Variants in DMXL2 observed in about 807,000 individuals in gnomAD.
DMXL2 encodes the protein dmX-like protein 2.
A neutral mutation model predicts 331.1 loss-of-function variants in DMXL2; 103 were observed. That is an observed-to-expected ratio of 0.31 (90% CI 0.27 to 0.37). The LOEUF is 0.37. Ranked by LOEUF, DMXL2 falls within the 10% of genes least tolerant of loss-of-function variation. The pLI, the probability that DMXL2 is intolerant of heterozygous loss-of-function variation, is 1.00. For missense variants in DMXL2, 3,171 were observed against 3,642.9 expected, an observed-to-expected ratio of 0.87 and a Z score of 3.33; for synonymous variants, 1,281 against 1,252.1, an observed-to-expected ratio of 1.02 and a Z score of -0.49.
intron 10 of DMXL2, 94 bp from the exon 11 acceptor site, chr15:51,537,853 ATC>A (rs1189202687): frequency 6.0e-6 from 8 of 1,339,444 alleles, no homozygotes; most frequent in South Asian, 4.9e-5. Context: ...TAAAAACTAA[ATC>A]TCTTTTCCAA....
intron 33 of DMXL2, among the ~76,000 whole-genome samples, chr15:51,460,893 T>C (rs920089329): frequency 6.6e-6 from 1 of 152,186 alleles, no homozygotes; most frequent in African/African-American, 2.4e-5. Context: ...TATGTAACTA[T>C]TTAAATTTAG....
At chr15:51,574,995 C>A (rs1728655278) in intron 2 of DMXL2, among the ~76,000 whole-genome samples, 1 of 152,096 alleles carries the variant, frequency 6.6e-6, no homozygotes, top group East Asian at 1.9e-4. Context: ...TGACACTCCC[C>A]ATGTTTTCTA....
chr15:51,593,265 C>T (rs8032454), intron 1 of DMXL2, among the ~76,000 whole-genome samples: 7,815 of 152,142 alleles, frequency 0.051, 568 homozygotes, highest in African/African-American at 0.17. Context: ...GGTTGCAATC[C>T]TAGTCTCTGA....
intron 1 of DMXL2, among the ~76,000 whole-genome samples, chr15:51,594,817 A>G (rs895580492): frequency 1.4e-4 from 21 of 152,232 alleles, no homozygotes; most frequent in Non-Finnish European, 2.5e-4. Context: ...CAAAAACCGT[A>G]TGATTATCTC....
chr15:51,591,602 T>C (rs2052342693), intron 1 of DMXL2, among the ~76,000 whole-genome samples: 1 of 152,200 alleles, frequency 6.6e-6, no homozygotes, highest in South Asian at 2.1e-4. Flanking sequence ...AGCACTCAGC[T>C]GGACATCTGA....
chr15:51,534,403 T>C (rs1468010539), intron 13 of DMXL2, among the ~76,000 whole-genome samples: 1 of 152,174 alleles, frequency 6.6e-6, no homozygotes, highest in Non-Finnish European at 1.5e-5. Flanking sequence ...GCAAGAAATA[T>C]TAGATTTATT....
intron 37 of DMXL2, among the ~76,000 whole-genome samples, chr15:51,457,125 T>C (rs1009634184): frequency 5.3e-5 from 8 of 152,166 alleles, no homozygotes; most frequent in African/African-American, 1.4e-4. Flanking sequence ...TGAGCCGAAA[T>C]TGCACCACTG....
chr15:51,591,375 C>T (rs548514873), intron 1 of DMXL2, among the ~76,000 whole-genome samples: 11 of 152,186 alleles, frequency 7.2e-5, no homozygotes, highest in South Asian at 2.1e-4. Flanking sequence ...GGTGGCAGTG[C>T]GGCTGGGGGA....
At chr15:51,552,078 G>A (rs1043050102) in intron 6 of DMXL2, among the ~76,000 whole-genome samples, 3 of 152,192 alleles carry the variant, frequency 2.0e-5, no homozygotes, top group African/African-American at 4.8e-5. Flanking sequence ...ATAAAAAGAC[G>A]TGGAAGCAGG....
chr15:51,478,320 A>C lies in DMXL2; in HGVS notation c.6784T>G (p.Ser2262Ala). ...KVHTLHSLAA[S>A]LSASIYQALC... is the part of the protein sequence containing the mutation. ...GCTTGGTAAATTGATGCAGAAAGTG[A>C]TGCTGCTAGTGAATGAAGTGTGTGC... The change falls in exon 26 of 44, where the codon TCA becomes GCA. Residue 2262 changes from serine to alanine, a missense_variant. Physicochemically the swap from Ser to Ala is moderately conservative, Grantham distance 99. Coordinates refer to ENST00000560891, the MANE Select transcript of DMXL2 (RefSeq NM_001378457.1). 1 of 1,613,346 alleles carries C rather than the reference A, an allele frequency of 6.2e-7. No homozygotes were observed. The highest frequency in any genetic ancestry group is 8.5e-7 in the Non-Finnish European group (1 of 1,179,490).
At chr15:51,495,870 T>C (rs1343146147) in intron 18 of DMXL2, among the ~76,000 whole-genome samples, 1 of 152,098 alleles carries the variant, frequency 6.6e-6, no homozygotes, top group African/African-American at 2.4e-5. Flanking sequence ...ACTTTTAAAT[T>C]GCCAAAGATC....
chr15:51,522,134 T>C (rs1296138585), intron 13 of DMXL2, among the ~76,000 whole-genome samples: 4 of 152,230 alleles, frequency 2.6e-5, no homozygotes, highest in Non-Finnish European at 5.9e-5. Context: ...AACTGTATCT[T>C]TGATACTTTA....
In DMXL2 at chr15:51,476,598, G is replaced by A. The variant is rs1303032996; in HGVS notation, c.6955C>T (p.Gln2319Ter). The change falls in exon 27 of 44, where the codon CAA (glutamine) becomes TAA (stop). Residue 2319 changes from glutamine (Q) to a stop codon, truncating the protein, a stop_gained. Transcript: ENST00000560891. LOFTEE classifies it high-confidence loss of function. ...TCATTTAAATTCTCACCAGGCCATTGAGCAGGAGATGAATTTGGTGTTGCG... is the reference window on the plus strand; with the variant it reads ...TCATTTAAATTCTCACCAGGCCATTAAGCAGGAGATGAATTTGGTGTTGCG... Reference protein sequence around the residue: ...EHATPNSSPAQWPGVSSLINL... With the variant: ...EHATPNSSPA 2 of 1,606,152 alleles carry A rather than the reference G, an allele frequency of 1.2e-6. No homozygotes were observed. The highest frequency in any genetic ancestry group is 1.7e-5 in the Admixed American group (1 of 58,448).
At chr15:51,506,354 T>G (rs1023092630) in intron 16 of DMXL2, among the ~76,000 whole-genome samples, 1 of 151,752 alleles carries the variant, frequency 6.6e-6, no homozygotes, top group Non-Finnish European at 1.5e-5. Flanking sequence ...TGAGCCACCA[T>G]GCCCATGCCC....
intron 1 of DMXL2, among the ~76,000 whole-genome samples, chr15:51,598,579 T>C (rs906792852): frequency 5.9e-5 from 9 of 152,258 alleles, no homozygotes; most frequent in Non-Finnish European, 1.5e-5. Context: ...TTCTTCACTC[T>C]TTCTTTGTCT....
At chr15:51,612,858 A>G (rs1341590310) in intron 1 of DMXL2, among the ~76,000 whole-genome samples, 6 of 152,162 alleles carry the variant, frequency 3.9e-5, no homozygotes, top group Non-Finnish European at 8.8e-5. Context: ...GGCTTATTTC[A>G]TCCCCCATCT....
intron 1 of DMXL2, among the ~76,000 whole-genome samples, chr15:51,593,968 G>T (rs2052594301): frequency 1.3e-5 from 2 of 152,286 alleles, no homozygotes; most frequent in Middle Eastern, 3.4e-3. Flanking sequence ...AAGCAGGAAA[G>T]ATCTAAAACT....
intron 6 of DMXL2, among the ~76,000 whole-genome samples, chr15:51,552,168 G>C (rs1007978845): frequency 6.6e-6 from 1 of 152,190 alleles, no homozygotes. Flanking sequence ...GGAGAGGCAC[G>C]GAAGGGCCAG....
intron 13 of DMXL2, among the ~76,000 whole-genome samples, chr15:51,519,633 C>CCTGT (rs1567060228): frequency 8.5e-6 from 1 of 118,318 alleles, no homozygotes; most frequent in African/African-American, 3.3e-5. Flanking sequence ...GACAAAGTCT[C>CCTGT]TTGTTTTTTT....
Sources: gnomAD v4.1 joint callset for allele counts (sites outside exome capture counted in the v4.1 genomes callset) on GRCh38, gnomAD v4.1.1 for gene constraint, MANE v1.5 for transcripts, NCBI Gene and HGNC (gene_info 2026-07-23, HGNC 2026-07-21) for gene names.